Variants in SMC5 observed in about 807,000 individuals in gnomAD.
The protein encoded by SMC5 is structural maintenance of chromosomes 5.
A neutral mutation model predicts 148.3 loss-of-function variants in SMC5; 88 were observed. The ratio of observed to expected loss-of-function variants is 0.59; its 90% CI spans 0.50 to 0.71. The LOEUF (loss-of-function observed/expected upper bound fraction) is 0.71, where lower values mean the gene tolerates loss of function less well. SMC5 is among the 30% of genes least tolerant of loss of function. The probability of loss-of-function intolerance (pLI) is 0.00; values close to 1 mark genes in which losing one functional copy is unlikely to be tolerated. For missense variants in SMC5, 1,142 were observed against 1,298.9 expected (o/e 0.88, Z 1.86); for synonymous variants, 421 against 432.8 (o/e 0.97, Z 0.34).
rs1306980398 is a variant in SMC5, at chr9:70,346,970, C to A, written c.2569-96C>A. 8.0e-6 allele frequency: 7 copies of A among 876,496 alleles called. No homozygotes were observed. In the East Asian group the frequency reaches 1.3e-4, roughly 16 times the overall value. 54.3% of individuals were successfully genotyped at this position (876,496 alleles called of 1,614,324 possible). On this transcript the variant is annotated intron_variant, in intron 19 of 24. Transcript: ENST00000361138. ...TCTTGTGTGCCAGCATGCTGTTGAA[C>A]AGATAGATAACTTATTCAGCAGATT...
Position 70,305,310 on chromosome 9 carries a change from A to C in SMC5, c.1528A>C (p.Arg510=). ...AAATCATATTCCATCAAATGACTTAAGAGCCTTTGTATTTGAAAGTCAAGA... is the reference window on the plus strand; with the variant it reads ...AAATCATATTCCATCAAATGACTTACGAGCCTTTGTATTTGAAAGTCAAGA... ...IENHIPSNDL[R]AFVFESQEDM... Residue 510 remains arginine (R), a synonymous_variant, in exon 11 of 25, where the codon AGA becomes CGA. Transcript: ENST00000361138. 6.2e-7 allele frequency: 1 copy of C among 1,605,860 alleles called. No homozygotes were observed. Among genetic ancestry groups the C allele is most frequent in the South Asian group, 1.1e-5 (1 of 90,368 alleles).
intron 17 of SMC5, among the ~76,000 whole-genome samples, chr9:70,325,963 T>G (rs2036066834): frequency 6.6e-6 from 1 of 151,996 alleles, no homozygotes; most frequent in Admixed American, 6.6e-5. Context: ...ACCAAAAAGA[T>G]ACACAAAGAC....
At position 70,278,542 on chromosome 9, in the gene SMC5, A is replaced by G; in HGVS notation, c.595A>G (p.Thr199Ala). 6.2e-7 allele frequency: 1 copy of G among 1,612,470 alleles called. No homozygotes were observed. The highest frequency in any genetic ancestry group is 8.5e-7 in the Non-Finnish European group (1 of 1,179,474). The change falls in exon 5 of 25, where the codon ACT (threonine) becomes GCT (alanine). Residue 199 changes from threonine to alanine, a missense_variant. Coordinates refer to ENST00000361138, the MANE Select transcript of SMC5 (RefSeq NM_015110.4). Reference sequence around the variant, plus strand: ...CAGCAAAATTGAACTCCTCGAAGCCACTGAAAAGTCAATTGGTCCCCCAGA... The same window carrying G: ...CAGCAAAATTGAACTCCTCGAAGCCGCTGAAAAGTCAATTGGTCCCCCAGA... Reference protein sequence around the residue: ...KLSKIELLEATEKSIGPPEMH... With the variant: ...KLSKIELLEAAEKSIGPPEMH...
chr9:70,323,398 C>T (rs1015348657), intron 15 of SMC5, 85 bp from the exon 16 acceptor site: 25 of 1,338,300 alleles, frequency 1.9e-5, no homozygotes, highest in Admixed American at 5.0e-5. Context: ...CTAAATATAT[C>T]CCAGAAAACT....
In SMC5 at chr9:70,326,604, T is replaced by C. The variant is rs907332139; in HGVS notation, c.2397+2461T>C. Among the ~76,000 whole-genome samples the C allele has an allele frequency of 4.0e-3, 607 of 151,714 alleles. 2 individuals are homozygous for C. Among genetic ancestry groups the C allele is most frequent in the African/African-American group, 0.014 (577 of 41,452 alleles). On this transcript the variant is annotated intron_variant, in intron 17 of 24. Coordinates refer to ENST00000361138, the MANE Select transcript of SMC5 (RefSeq NM_015110.4). ...CAATGATAAACCAGAATCTTTTTTT[T>C]TTTTTTTTAATTTTTTTTTTTTAGC... is the stretch of plus-strand genomic sequence containing the variant.
chr9:70,321,429 GT>G (rs61011760), intron 15 of SMC5, among the ~76,000 whole-genome samples: 72,831 of 143,824 alleles, frequency 0.51, 20,537 homozygotes, highest in Admixed American at 0.62. Flanking sequence ...GTCTTGCTCT[GT>G]TACCCAGGCT....
At chr9:70,344,378 A>C (rs1025146220) in intron 18 of SMC5, 109 bp downstream of exon 18, 4 of 757,930 alleles carry the variant, frequency 5.3e-6, no homozygotes, top group Admixed American at 9.1e-5. Context: ...GTCGTAAAAA[A>C]TAGGGAGTTT....
Position 70,350,102 on chromosome 9 carries a change from A to G in SMC5, c.2890-12A>G. The G allele has an allele frequency of 6.4e-7, 1 of 1,564,820 alleles. No individual in the cohort carries two copies. The highest frequency in any genetic ancestry group is 8.7e-7 in the Non-Finnish European group (1 of 1,151,182). On this transcript the variant is annotated splice_polypyrimidine_tract_variant and intron_variant, in intron 22 of 24. Transcript: ENST00000361138. ...GAAACTCATTTTTCATCACTTTTTAAATGTTTTATAGGAAGATTATGATAA... is the reference window on the plus strand; with the variant it reads ...GAAACTCATTTTTCATCACTTTTTAGATGTTTTATAGGAAGATTATGATAA...
intron 11 of SMC5, among the ~76,000 whole-genome samples, chr9:70,306,669 G>A (rs2035508154): frequency 6.6e-6 from 1 of 152,046 alleles, no homozygotes; most frequent in South Asian, 2.1e-4. Context: ...ACTTTTCCTG[G>A]TGTCAAAAAC....
At chr9:70,309,472 T>A (rs2035602995) in intron 11 of SMC5, among the ~76,000 whole-genome samples, 1 of 151,910 alleles carries the variant, frequency 6.6e-6, no homozygotes, top group Non-Finnish European at 1.5e-5. Flanking sequence ...GTTGGTCCTT[T>A]CAAACCCTGC....
At chr9:70,346,861 A>T (rs1203990348) in intron 19 of SMC5, among the ~76,000 whole-genome samples, 2 of 152,216 alleles carry the variant, frequency 1.3e-5, no homozygotes, top group Non-Finnish European at 2.9e-5. Flanking sequence ...CATTGCCTTA[A>T]AGTGTTATCC....
At position 70,318,948 on chromosome 9, in the gene SMC5, G is replaced by A. The variant is rs1256730188; in HGVS notation, c.2135G>A (p.Ser712Asn). ...TKKRQLEQKI[S>N]SKLGSLKLME... is the part of the protein sequence containing the mutation. ...AAAAGACAACTGGAACAAAAAATCAGTTCCAAACTAGGAAGGTATCTTTTA... is the reference window on the plus strand; with the variant it reads ...AAAAGACAACTGGAACAAAAAATCAATTCCAAACTAGGAAGGTATCTTTTA... Residue 712 changes from serine (S) to asparagine (N), a missense_variant, in exon 15 of 25, where the codon AGT becomes AAT. By Grantham distance (46) the Ser-to-Asn change is conservative (BLOSUM62 1). This residue lies in a region of SMC5 where 743 missense variants were observed against 835.7 expected (regional missense o/e 0.89). Transcript: ENST00000361138. 1 of 1,607,150 alleles carries A rather than the reference G, an allele frequency of 6.2e-7. No homozygotes were observed. Among genetic ancestry groups the A allele is most frequent in the African/African-American group, 1.3e-5 (1 of 74,216 alleles).
chr9:70,277,574 T>A (rs1401079718), intron 4 of SMC5, 102 bp downstream of exon 4: 1 of 865,212 alleles, frequency 1.2e-6, no homozygotes, highest in African/African-American at 1.8e-5. Context: ...AAATTGAACA[T>A]AGCACTCTTA....
chr9:70,336,086 G>A (rs2036348569), intron 17 of SMC5, among the ~76,000 whole-genome samples: 1 of 151,990 alleles, frequency 6.6e-6, no homozygotes, highest in Non-Finnish European at 1.5e-5. Flanking sequence ...GTCACTCTCC[G>A]GCAGGGTTAT....
At chr9:70,295,981 C>T (rs1252132748) in intron 8 of SMC5, among the ~76,000 whole-genome samples, 1 of 152,048 alleles carries the variant, frequency 6.6e-6, no homozygotes, top group Admixed American at 6.5e-5. Flanking sequence ...TGTTAATGTT[C>T]AGTGACATGT....
intron 11 of SMC5, 72 bp downstream of exon 11, chr9:70,305,432 T>C: frequency 1.2e-6 from 1 of 868,464 alleles, no homozygotes; most frequent in South Asian, 1.5e-5. Context: ...TTAAATTCAC[T>C]AGAGCAAAAT....
intron 8 of SMC5, 85 bp downstream of exon 8, chr9:70,286,356 T>C (rs1032105289): frequency 5.4e-5 from 45 of 833,606 alleles, no homozygotes; most frequent in Non-Finnish European, 8.3e-5. Flanking sequence ...CAGATTCTTG[T>C]TGGGGAATGG....
At chr9:70,271,458 C>A (rs1029918416) in intron 3 of SMC5, among the ~76,000 whole-genome samples, 3 of 152,074 alleles carry the variant, frequency 2.0e-5, no homozygotes, top group African/African-American at 7.2e-5. Flanking sequence ...CCATGTATTC[C>A]TTGAGTAGAA....
intron 17 of SMC5, among the ~76,000 whole-genome samples, chr9:70,326,771 C>G (rs951356665): frequency 7.3e-5 from 11 of 151,484 alleles, no homozygotes; most frequent in African/African-American, 2.7e-4. Context: ...GAAACAAATG[C>G]ATCTAACTTT....
Sources: gnomAD v4.1 joint callset for allele counts (sites outside exome capture counted in the v4.1 genomes callset) on GRCh38, gnomAD v4.1.1 for gene constraint, gnomAD v4.1.1 regional missense constraint, MANE v1.5 for transcripts, NCBI Gene and HGNC (gene_info 2026-07-23, HGNC 2026-07-21) for gene names.